Variants in TUFT1 observed in about 807,000 individuals in gnomAD.
TUFT1 encodes the protein tuftelin 1.
A neutral mutation model predicts 57.8 loss-of-function variants in TUFT1; 43 were observed. The observed-to-expected ratio is 0.74, with a 90% CI of 0.58 to 0.96. The LOEUF (loss-of-function observed/expected upper bound fraction) is 0.96, where lower values mean the gene tolerates loss of function less well. Ranked by LOEUF, TUFT1 falls within the 40% of genes least tolerant of loss-of-function variation. The pLI is 0.00. For synonymous variants in TUFT1, 166 were observed against 176.7 expected, an observed-to-expected ratio of 0.94 and a Z score of 0.48; for missense variants, 459 against 489.0, an observed-to-expected ratio of 0.94 and a Z score of 0.58.
chr1:151,542,555 T>G (rs573065775), intron 1 of TUFT1, among the ~76,000 whole-genome samples: 2 of 152,266 alleles, frequency 1.3e-5, no homozygotes, highest in Middle Eastern at 6.8e-3. Flanking sequence ...CTTGATGTTT[T>G]TGCTCTTTGT....
At position 151,581,690 on chromosome 1, in the gene TUFT1, C is replaced by T. The variant is rs200295384; in HGVS notation, c.1156C>T (p.Arg386Ter). The T allele has an allele frequency of 2.5e-4, 410 of 1,614,122 alleles. No individual in the cohort carries two copies. Among genetic ancestry groups the T allele is most frequent in the Admixed American group, 2.3e-3 (136 of 60,020 alleles). ...PPSPKPMPVI[R>*]VVET is the part of the protein sequence containing the mutation. ...TAGCCCGAAGCCCATGCCTGTCATC[C>T]GAGTGGTGGAAACCTGAGCTGCCTG... Residue 386 changes from arginine (R) to a stop codon, truncating the protein, a stop_gained, in exon 13 of 13, where the codon CGA becomes TGA. Transcript: ENST00000368849. LOFTEE classifies it high-confidence loss of function.
intron 7 of TUFT1, among the ~76,000 whole-genome samples, chr1:151,570,427 A>G (rs1474360577): frequency 2.0e-5 from 3 of 152,000 alleles, no homozygotes; most frequent in African/African-American, 7.2e-5. Context: ...TACTACAGGC[A>G]TGCGCCACCA....
Position 151,540,558 on chromosome 1 carries a change from T to TTCTC in TUFT1, c.60+136_60+139dup, listed in dbSNP as rs1178790392. ...TCGCGCGGTCAGCCCTGCGCGGCGC[T>TTCTC]TCTCTCTTTTTATTCTTTTGCCTGC... is the stretch of plus-strand genomic sequence containing the variant. On this transcript the variant is annotated intron_variant, in intron 1 of 12. Coordinates refer to ENST00000368849, the MANE Select transcript of TUFT1 (RefSeq NM_020127.3). 3 of 982,418 alleles carry TTCTC rather than the reference T, an allele frequency of 3.1e-6. No homozygotes were observed. The East Asian group carries it at 7.7e-5, about 25-fold the overall frequency. The allele number at this position is 982,418 out of a possible 1,614,324, so 60.9% of individuals were successfully genotyped here.
At chr1:151,565,973 C>G in intron 5 of TUFT1, 190 bp from the exon 6 acceptor site, 3 of 474,108 alleles carry the variant, frequency 6.3e-6, no homozygotes, top group East Asian at 3.4e-5. Context: ...GTTCCTTCTT[C>G]CTCTTCTCCT....
chr1:151,568,860 T>G (rs990986466), intron 6 of TUFT1, among the ~76,000 whole-genome samples: 3 of 152,162 alleles, frequency 2.0e-5, no homozygotes, highest in African/African-American at 7.2e-5. Flanking sequence ...CAGGGTGTGG[T>G]AGGGAGTGTA....
chr1:151,567,225 A>AT (rs968318541), intron 6 of TUFT1, among the ~76,000 whole-genome samples: 1 of 150,802 alleles, frequency 6.6e-6, no homozygotes, highest in Non-Finnish European at 1.5e-5. Context: ...TATAATTATT[A>AT]TTTTTTGGGA....
intron 1 of TUFT1, among the ~76,000 whole-genome samples, chr1:151,554,047 A>G (rs867542748): frequency 1.3e-4 from 20 of 152,102 alleles, no homozygotes; most frequent in African/African-American, 4.6e-4. Context: ...CTTTAAGTAA[A>G]CATTTTATTT....
chr1:151,579,500 T>G (rs369279164), intron 10 of TUFT1, 149 bp from the exon 11 acceptor site: 5 of 682,086 alleles, frequency 7.3e-6, no homozygotes, highest in Non-Finnish European at 1.3e-5. Context: ...GAGTCTAATA[T>G]TGACTGAAAG....
chr1:151,570,748 G>T (rs961440561), intron 7 of TUFT1, among the ~76,000 whole-genome samples: 3 of 151,924 alleles, frequency 2.0e-5, no homozygotes, highest in Admixed American at 2.0e-4. Flanking sequence ...TCACTCTATT[G>T]CCAGGCTTGA....
intron 1 of TUFT1, among the ~76,000 whole-genome samples, chr1:151,556,900 G>A (rs1665717760): frequency 6.6e-6 from 1 of 152,142 alleles, no homozygotes; most frequent in Non-Finnish European, 1.5e-5. Flanking sequence ...CTTGAACCTG[G>A]GAGGCAGAGG....
chr1:151,546,636 G>A (rs1305637029), intron 1 of TUFT1, among the ~76,000 whole-genome samples: 1 of 152,052 alleles, frequency 6.6e-6, no homozygotes, highest in African/African-American at 2.4e-5. Flanking sequence ...GTGATCCTTT[G>A]TGACTGGCAT....
intron 1 of TUFT1, among the ~76,000 whole-genome samples, chr1:151,561,165 G>GT (rs1665875331): frequency 1.3e-5 from 2 of 151,856 alleles, no homozygotes; most frequent in South Asian, 4.2e-4. Context: ...GGCTGATTTT[G>GT]TTTTTGTATT....
At chr1:151,562,480 G>GA in intron 2 of TUFT1, 105 bp from the exon 3 acceptor site, 1 of 1,004,636 alleles carries the variant, frequency 1.0e-6, no homozygotes, top group Non-Finnish European at 1.5e-6. Flanking sequence ...AGTCTTTTGA[G>GA]AAACAGGTCT....
At chr1:151,549,532 G>A (rs1665445334) in intron 1 of TUFT1, among the ~76,000 whole-genome samples, 1 of 152,212 alleles carries the variant, frequency 6.6e-6, no homozygotes, top group South Asian at 2.1e-4. Context: ...CTTCACCCTT[G>A]TGAAGAGATG....
chr1:151,555,190 A>C (rs1203260226), intron 1 of TUFT1, among the ~76,000 whole-genome samples: 1 of 151,140 alleles, frequency 6.6e-6, no homozygotes, highest in African/African-American at 2.4e-5. Flanking sequence ...TTAGCCAGCT[A>C]TGGTGGTGCA....
chr1:151,578,300 C>T (rs1666542998), intron 9 of TUFT1, among the ~76,000 whole-genome samples: 1 of 141,068 alleles, frequency 7.1e-6, no homozygotes, highest in Non-Finnish European at 1.6e-5. Flanking sequence ...CCTGATGATG[C>T]TTCCAATGTA....
chr1:151,569,781 G>A lies in TUFT1; in HGVS notation c.594+11G>A. On this transcript the variant is annotated intron_variant, in intron 7 of 12. Coordinates refer to ENST00000368849, the MANE Select transcript of TUFT1 (RefSeq NM_020127.3). ...TGTGTGGCTTTTGAGGTGAGATTTG[G>A]GATTTGGGGAGAAGGTGCCCTAAGG... 1 of 1,610,662 alleles carries A rather than the reference G, an allele frequency of 6.2e-7. No individual in the cohort carries two copies. Among genetic ancestry groups the A allele is most frequent in the Non-Finnish European group, 8.5e-7 (1 of 1,177,070 alleles).
At position 151,574,330 on chromosome 1, in the gene TUFT1, G is replaced by C; in HGVS notation, c.655G>C (p.Glu219Gln). The change falls in exon 8 of 13, where the codon GAG (glutamate) becomes CAG (glutamine). Residue 219 changes from glutamate to glutamine, a missense_variant. By Grantham distance (29) the Glu-to-Gln change is conservative. Transcript: ENST00000368849. ...EQSNVALQRE[E>Q]DRVEQKEAEV... ...AAGTAATGTGGCCCTTCAGAGAGAGGAGGACAGAGTGGAGCAGAAAGAGGC... is the reference window on the plus strand; with the variant it reads ...AAGTAATGTGGCCCTTCAGAGAGAGCAGGACAGAGTGGAGCAGAAAGAGGC... The C allele has an allele frequency of 1.9e-6, 3 of 1,614,208 alleles. No homozygotes were observed. The Middle Eastern group carries it at 4.9e-4, about 266-fold the overall frequency.
chr1:151,572,076 C>A (rs901145237), intron 7 of TUFT1, among the ~76,000 whole-genome samples: 3 of 152,078 alleles, frequency 2.0e-5, no homozygotes, highest in Non-Finnish European at 4.4e-5. Context: ...TGGAGCATGC[C>A]TGTGGTTCCA....
Sources: allele counts gnomAD v4.1 joint callset (sites outside exome capture counted in the v4.1 genomes callset), GRCh38; gene constraint gnomAD v4.1.1; transcripts MANE v1.5; gene names NCBI Gene and HGNC (gene_info 2026-07-23, HGNC 2026-07-21).